ASTN2: variants seen among roughly 807,000 people sequenced by gnomAD.
ASTN2 encodes astrotactin-2.
A neutral mutation model predicts 139.8 loss-of-function variants in ASTN2; 54 were observed. That is an observed-to-expected ratio of 0.39 (90% confidence interval 0.31 to 0.48). The LOEUF (loss-of-function observed/expected upper bound fraction) is 0.48. Among genes scored for constraint, ASTN2 ranks in the 20% least tolerant of loss-of-function variants. The pLI is 0.95. For missense variants in ASTN2, 1,565 were observed against 1,725.1 expected, an observed-to-expected ratio of 0.91 and a Z score of 1.64; for synonymous variants, 756 against 719.5, an observed-to-expected ratio of 1.05 and a Z score of -0.81.
chr9:117,251,532 C>T (rs2133091673), intron 2 of ASTN2, among the ~76,000 whole-genome samples: 1 of 152,194 alleles, frequency 6.6e-6, no homozygotes, highest in Non-Finnish European at 1.5e-5. Context: ...CAGCACTGAG[C>T]ACATGGCAGG....
chr9:116,845,136 A>G (rs12348091), intron 11 of ASTN2, among the ~76,000 whole-genome samples: 29,036 of 151,946 alleles, frequency 0.19, 3,148 homozygotes, highest in East Asian at 0.49. Flanking sequence ...TTTTTTTGAG[A>G]CGGAGTCTCA....
intron 22 of ASTN2, among the ~76,000 whole-genome samples, chr9:116,432,516 G>T (rs576214107): frequency 6.6e-6 from 1 of 152,234 alleles, no homozygotes; most frequent in African/African-American, 2.4e-5. Flanking sequence ...CTATTGTTCA[G>T]GATATTAAAT....
intron 4 of ASTN2, among the ~76,000 whole-genome samples, chr9:117,124,355 G>A (rs954282574): frequency 6.6e-6 from 1 of 152,038 alleles, no homozygotes; most frequent in Non-Finnish European, 1.5e-5. Context: ...GAGGGTTCAA[G>A]GTCACAGCCT....
At chr9:116,786,058 C>A (rs1830368118) in intron 13 of ASTN2, among the ~76,000 whole-genome samples, 1 of 152,180 alleles carries the variant, frequency 6.6e-6, no homozygotes, top group South Asian at 2.1e-4. Context: ...CTTGCCCCGC[C>A]TCCTTCCCCT....
chr9:116,483,423 T>A (rs1849236677), intron 20 of ASTN2, among the ~76,000 whole-genome samples: 1 of 151,568 alleles, frequency 6.6e-6, no homozygotes, highest in South Asian at 2.1e-4. Context: ...ACAGAAAAAA[T>A]TTGCCTTCCT....
intron 3 of ASTN2, chr9:117,181,289 C>T: frequency 2.3e-6 from 1 of 435,736 alleles, no homozygotes; most frequent in Non-Finnish European, 4.2e-6. Context: ...AAACTGAAGC[C>T]CAGAGATGTC....
At position 116,560,695 on chromosome 9, in the gene ASTN2, T is replaced by C. The variant is rs114220738; in HGVS notation, c.3355+57629A>G. Among the ~76,000 whole-genome samples the C allele has an allele frequency of 4.2e-3, 644 of 152,330 alleles. 8 individuals are homozygous for C. The highest frequency in any genetic ancestry group is 0.015 in the African/African-American group (604 of 41,582). On this transcript the variant is annotated intron_variant, in intron 19 of 22. Coordinates refer to ENST00000313400, the MANE Select transcript of ASTN2 (RefSeq NM_001365068.1). ...GTGCCATGTGGTCAGAGCTATGCCA[T>C]ATCCTCTTGACATATCTGTCTTTAA...
At chr9:117,180,225 A>T (rs925977874) in intron 3 of ASTN2, among the ~76,000 whole-genome samples, 1 of 152,130 alleles carries the variant, frequency 6.6e-6, no homozygotes, top group African/African-American at 2.4e-5. Flanking sequence ...TCTCAGTTAA[A>T]AGTTTTCAGT....
chr9:116,774,227 C>CACCCTCATG (rs1186368800), intron 13 of ASTN2, among the ~76,000 whole-genome samples: 1 of 152,158 alleles, frequency 6.6e-6, no homozygotes, highest in Non-Finnish European at 1.5e-5. Context: ...CCCTCATTTT[C>CACCCTCATG]TCATTTGTAC....
Position 116,618,921 on chromosome 9 carries a change from TC to T in ASTN2, c.3207-450del, listed in dbSNP as rs1334752093. Among the ~76,000 whole-genome samples, 5 of 151,894 alleles carry T rather than the reference TC, an allele frequency of 3.3e-5. No homozygotes were observed. In the South Asian group the frequency reaches 8.3e-4, roughly 25 times the overall value. On this transcript the variant is annotated intron_variant, in intron 18 of 22. Coordinates refer to ENST00000313400, the MANE Select transcript of ASTN2 (RefSeq NM_001365068.1). The stretch of plus-strand genomic sequence containing the variant: ...AATACACTATTGGAAGGAGCAAAAA[TC>T]CTGGAGTAAATCTTTTTGCAAAGCA...
intron 16 of ASTN2, among the ~76,000 whole-genome samples, chr9:116,686,491 A>G (rs1313267528): frequency 6.6e-6 from 1 of 152,214 alleles, no homozygotes; most frequent in African/African-American, 2.4e-5. Flanking sequence ...GCTGTACAGT[A>G]TAGTCACCTT....
chr9:116,478,113 G>C (rs897031666), intron 20 of ASTN2, among the ~76,000 whole-genome samples: 1 of 147,312 alleles, frequency 6.8e-6, no homozygotes, highest in South Asian at 2.2e-4. Context: ...GAGAGGGAGG[G>C]GGTAGGGAGG....
intron 10 of ASTN2, among the ~76,000 whole-genome samples, chr9:116,937,220 G>C (rs1835106157): frequency 6.6e-6 from 1 of 152,104 alleles, no homozygotes; most frequent in South Asian, 2.1e-4. Flanking sequence ...GAGAAAGACA[G>C]GACCCCTGAA....
At chr9:116,509,479 G>A (rs1007219618) in intron 19 of ASTN2, among the ~76,000 whole-genome samples, 1 of 152,154 alleles carries the variant, frequency 6.6e-6, no homozygotes, top group East Asian at 1.9e-4. Flanking sequence ...ATGTGTGCAT[G>A]TGTCTTTATA....
At chr9:117,318,064 AT>A (rs1828203449) in intron 1 of ASTN2, among the ~76,000 whole-genome samples, 1 of 152,202 alleles carries the variant, frequency 6.6e-6, no homozygotes, top group South Asian at 2.1e-4. Context: ...CCACAGTGGG[AT>A]GCAGGCAGAA....
intron 16 of ASTN2, among the ~76,000 whole-genome samples, chr9:116,676,705 TAGAA>T (rs1356410547): frequency 6.6e-6 from 1 of 152,224 alleles, no homozygotes; most frequent in African/African-American, 2.4e-5. Context: ...GGAAAAGCAA[TAGAA>T]ACTGCTCAAT....
At chr9:116,589,962 T>C (rs887218635) in intron 19 of ASTN2, among the ~76,000 whole-genome samples, 1 of 152,158 alleles carries the variant, frequency 6.6e-6, no homozygotes, top group African/African-American at 2.4e-5. Context: ...TCACAGCCAC[T>C]CCACAGGGGC....
intron 10 of ASTN2, among the ~76,000 whole-genome samples, chr9:116,937,138 T>G (rs1037374695): frequency 6.6e-6 from 1 of 152,222 alleles, no homozygotes; most frequent in Non-Finnish European, 1.5e-5. Flanking sequence ...GCTAGAATAA[T>G]GGTTCTAGAA....
chr9:116,725,960 A>G lies in ASTN2; in HGVS notation c.2627-10T>C, dbSNP rs746123016. The G allele has an allele frequency of 9.3e-6, 15 of 1,607,408 alleles. No homozygotes were observed. Among genetic ancestry groups the G allele is most frequent in the Non-Finnish European group, 1.1e-5 (13 of 1,177,534 alleles). On this transcript the variant is annotated splice_polypyrimidine_tract_variant and intron_variant, in intron 15 of 22. Transcript: ENST00000313400. ...AGAACATTAGTGAAGCCTGGACAAG[A>G]GAGGAGCATGTGGAGGTGGTCAGAT...
Sources: gnomAD v4.1 joint callset for allele counts (sites outside exome capture counted in the v4.1 genomes callset) on GRCh38, gnomAD v4.1.1 for gene constraint, MANE v1.5 for transcripts, NCBI Gene and HGNC (gene_info 2026-07-23, HGNC 2026-07-21) for gene names.